SOX7: variants seen among roughly 807,000 people sequenced by gnomAD.
SOX7 encodes transcription factor SOX-7.
A neutral mutation model predicts 24.9 loss-of-function variants in SOX7; 19 were observed. That is an observed-to-expected ratio of 0.76 (90% CI 0.53 to 1.12). The LOEUF (loss-of-function observed/expected upper bound fraction) is 1.12. Among genes scored for constraint, SOX7 ranks in the 50% most tolerant of loss-of-function variants. The pLI is 0.00. For missense variants in SOX7, 702 were observed against 535.0 expected, an observed-to-expected ratio of 1.31 and a Z score of -3.08; for synonymous variants, 327 against 244.5, an observed-to-expected ratio of 1.34 and a Z score of -3.15.
intron 1 of SOX7, among the ~76,000 whole-genome samples, chr8:10,727,872 C>G (rs907612493): frequency 6.6e-6 from 1 of 152,242 alleles, no homozygotes; most frequent in Non-Finnish European, 1.5e-5. Flanking sequence ...TGCACAGGGC[C>G]AGGTGCAGAG....
In SOX7 at chr8:10,730,148, C is replaced by G; in HGVS notation, c.238+48G>C. 7.6e-7 allele frequency: 1 copy of G among 1,324,436 alleles called. No individual in the cohort carries two copies. Among genetic ancestry groups the G allele is most frequent in the Non-Finnish European group, 9.8e-7 (1 of 1,023,536 alleles). The allele number at this position is 1,324,436 out of a possible 1,614,324, so 82.0% of individuals were successfully genotyped here. ...CCGCCCTGCAGTGCCGCCAGCCGCCCGCCGCCCGCCCCCGGCCCCCAGCCC... is the reference window on the plus strand; with the variant it reads ...CCGCCCTGCAGTGCCGCCAGCCGCCGGCCGCCCGCCCCCGGCCCCCAGCCC... On this transcript the variant is annotated intron_variant, in intron 1 of 1. Transcript: ENST00000304501. The surrounding 1 kb of genome is among the most constrained non-coding windows in gnomAD (Gnocchi z 4.8).
Position 10,726,583 on chromosome 8 carries a change from C to T in SOX7, c.322G>A (p.Asp108Asn). The T allele has an allele frequency of 6.2e-7, 1 of 1,610,766 alleles. No individual in the cohort carries two copies. Among genetic ancestry groups the T allele is most frequent in the Non-Finnish European group, 8.5e-7 (1 of 1,179,858 alleles). ...AERLRLQHMQ[D>N]YPNYKYRPRR... ...GGCCGGTACTTGTAGTTGGGGTAGT[C>T]CTGCATGTGCTGCAGGCGCAGCCGC... Residue 108 changes from aspartate to asparagine, a missense_variant, in exon 2 of 2, where the codon GAC becomes AAC. Coordinates refer to ENST00000304501, the MANE Select transcript of SOX7 (RefSeq NM_031439.4).
At position 10,725,383 on chromosome 8, in the gene SOX7, C is replaced by A. The variant is rs1800121479; in HGVS notation, c.*355G>T. On this transcript the variant is annotated 3_prime_UTR_variant, in exon 2 of 2. Coordinates refer to ENST00000304501, the MANE Select transcript of SOX7 (RefSeq NM_031439.4). ...GAGAACCCTAAATCAGAAAACTGGA[C>A]CAGAAGGGACCTTGGCTATCAAGTC... The A allele has an allele frequency of 1.8e-5, 5 of 280,764 alleles. No homozygotes were observed. In the South Asian group the frequency reaches 2.7e-4, roughly 15 times the overall value. 17.4% of individuals were successfully genotyped at this position (280,764 alleles called of 1,614,324 possible).
chr8:10,725,978 G>T lies in SOX7; in HGVS notation c.927C>A (p.His309Gln), dbSNP rs766388511. ...HLGQLSPPPE[H>Q]PGFDALDQLS... ...GTTGATCCAGGGCGTCGAAGCCAGG[G>T]TGCTCAGGAGGCGGGGAAAGCTGGC... is the stretch of plus-strand genomic sequence containing the variant. Residue 309 changes from histidine (H) to glutamine (Q), a missense_variant, in exon 2 of 2, where the codon CAC (histidine) becomes CAA (glutamine). Coordinates refer to ENST00000304501, the MANE Select transcript of SOX7 (RefSeq NM_031439.4). 6 of 1,606,546 alleles carry T rather than the reference G, an allele frequency of 3.7e-6. No homozygotes were observed. In the South Asian group the frequency reaches 6.7e-5, roughly 18 times the overall value.
In SOX7 at chr8:10,726,006, A is replaced by AG; in HGVS notation, c.898dup (p.Leu300ProfsTer9). 6.3e-7 allele frequency: 1 copy of AG among 1,591,050 alleles called. No homozygotes were observed. The highest frequency in any genetic ancestry group is 8.6e-7 in the Non-Finnish European group (1 of 1,167,456). On this transcript the variant is annotated frameshift_variant, in exon 2 of 2. Coordinates refer to ENST00000304501, the MANE Select transcript of SOX7 (RefSeq NM_031439.4). LOFTEE classifies it high-confidence loss of function. ...CTCAGGAGGCGGGGAAAGCTGGCCCAGGTGGGCTTGGAGGTTGGAGTGGAG... is the reference window on the plus strand; with the variant it reads ...CTCAGGAGGCGGGGAAAGCTGGCCCAGGGTGGGCTTGGAGGTTGGAGTGGAG...
At position 10,730,145 on chromosome 8, in the gene SOX7, G is replaced by GGCCCC; in HGVS notation, c.238+50_238+51insGGGGC. ...CACCCGCCCTGCAGTGCCGCCAGCC[G>GGCCCC]CCCGCCGCCCGCCCCCGGCCCCCAG... On this transcript the variant is annotated intron_variant, in intron 1 of 1. Coordinates refer to ENST00000304501, the MANE Select transcript of SOX7 (RefSeq NM_031439.4). This position sits in a 1 kb window ranked among gnomAD's most constrained non-coding sequence, Gnocchi z 4.8. 7.7e-7 allele frequency: 1 copy of GGCCCC among 1,306,000 alleles called. No homozygotes were observed. Among genetic ancestry groups the GGCCCC allele is most frequent in the Non-Finnish European group, 9.9e-7 (1 of 1,010,100 alleles). 80.9% of individuals were successfully genotyped at this position (1,306,000 alleles called of 1,614,324 possible).
Position 10,726,183 on chromosome 8 carries a change from G to A in SOX7, c.722C>T (p.Pro241Leu), listed in dbSNP as rs767362815. The part of the protein sequence containing the change: ...PRRIPHLPGH[P>L]YSPEYAPSPL... ...GCTTGGGGCGTACTCCGGTGAGTAC[G>A]GGTGCCCTGGCAGGTGGGGGATGCG... The change falls in exon 2 of 2, where the codon CCG becomes CTG. Residue 241 changes from proline to leucine, a missense_variant. Physicochemically the swap from Pro to Leu is moderately conservative, Grantham distance 98. Transcript: ENST00000304501. The A allele has an allele frequency of 1.2e-6, 2 of 1,611,630 alleles. No homozygotes were observed. The highest frequency in any genetic ancestry group is 1.7e-5 in the Admixed American group (1 of 59,842).
chr8:10,727,860 T>A (rs965834076), intron 1 of SOX7, among the ~76,000 whole-genome samples: 1 of 152,200 alleles, frequency 6.6e-6, no homozygotes, highest in Non-Finnish European at 1.5e-5. Flanking sequence ...CTCAGCACAT[T>A]CTGCACAGGG....
In SOX7 at chr8:10,730,445, G is replaced by C; in HGVS notation, c.-12C>G. On this transcript the variant is annotated 5_prime_UTR_variant, in exon 1 of 2. Coordinates refer to ENST00000304501, the MANE Select transcript of SOX7 (RefSeq NM_031439.4). This position sits in a 1 kb window ranked among gnomAD's most constrained non-coding sequence, Gnocchi z 4.8. The stretch of plus-strand genomic sequence containing the variant: ...AGCAGCGAAGCCATGGCCGCACGCG[G>C]GTCGCCTCGCTTCGCCTGGCGGGGC... 6.9e-7 allele frequency: 1 copy of C among 1,451,214 alleles called. No homozygotes were observed. Among genetic ancestry groups the C allele is most frequent in the Non-Finnish European group, 9.0e-7 (1 of 1,107,880 alleles). 89.9% of individuals were successfully genotyped at this position (1,451,214 alleles called of 1,614,324 possible).
intron 1 of SOX7, chr8:10,729,168 C>G (rs1233965029): frequency 6.6e-6 from 1 of 152,192 alleles, no homozygotes. Flanking sequence ...GAAAGAGGGG[C>G]GTCAGTCCTA....
Position 10,725,452 on chromosome 8 carries a change from C to T in SOX7, c.*286G>A, listed in dbSNP as rs1711745130. ...GATGATGGCTACCAAGAAAAGACGT[C>T]AGTGAACATTCCACTGGGAGACAGC... On this transcript the variant is annotated 3_prime_UTR_variant, in exon 2 of 2. Coordinates refer to ENST00000304501, the MANE Select transcript of SOX7 (RefSeq NM_031439.4). 2 of 476,248 alleles carry T rather than the reference C, an allele frequency of 4.2e-6. No homozygotes were observed. The highest frequency in any genetic ancestry group is 7.5e-6 in the Non-Finnish European group (2 of 266,966). The allele number at this position is 476,248 out of a possible 1,614,324, so 29.5% of individuals were successfully genotyped here. A position where few individuals can be genotyped will look rare whatever the true frequency, so the allele number is the denominator to read the frequency against.
In SOX7 at chr8:10,724,000, T is replaced by C. The variant is rs1800094952; in HGVS notation, c.*1738A>G. The C allele has an allele frequency of 6.6e-6, 1 of 152,382 alleles. No individual in the cohort carries two copies. The allele number at this position is 152,382 out of a possible 1,614,324, so 9.4% of individuals were successfully genotyped here. A position where few individuals can be genotyped will look rare whatever the true frequency, so the allele number is the denominator to read the frequency against. On this transcript the variant is annotated 3_prime_UTR_variant, in exon 2 of 2. Coordinates refer to ENST00000304501, the MANE Select transcript of SOX7 (RefSeq NM_031439.4). ...TATAAAGTAATAGCATAAAGAGTAATCATACCTTATAAGTGATTTTACAAT... is the reference window on the plus strand; with the variant it reads ...TATAAAGTAATAGCATAAAGAGTAACCATACCTTATAAGTGATTTTACAAT...
chr8:10,724,517 G>A lies in SOX7; in HGVS notation c.*1221C>T, dbSNP rs1800103769. 6.6e-6 allele frequency: 1 copy of A among 152,228 alleles called. No homozygotes were observed. Among genetic ancestry groups the A allele is most frequent in the South Asian group, 2.1e-4 (1 of 4,828 alleles). The allele number at this position is 152,228 out of a possible 1,614,324, so 9.4% of individuals were successfully genotyped here. A position where few individuals can be genotyped will look rare whatever the true frequency, so the allele number is the denominator to read the frequency against. On this transcript the variant is annotated 3_prime_UTR_variant, in exon 2 of 2. Coordinates refer to ENST00000304501, the MANE Select transcript of SOX7 (RefSeq NM_031439.4). ...CTTTTGAATCTACAGAGGGGAAAGT[G>A]TGTATCCAGATTTGAAGACAGTGAC...
In SOX7 at chr8:10,725,643, T is replaced by C. The variant is rs1386432397; in HGVS notation, c.*95A>G. 1.5e-6 allele frequency: 2 copies of C among 1,337,720 alleles called. No homozygotes were observed. The highest frequency in any genetic ancestry group is 1.9e-5 in the Admixed American group (1 of 53,992). The allele number at this position is 1,337,720 out of a possible 1,614,324, so 82.9% of individuals were successfully genotyped here. On this transcript the variant is annotated 3_prime_UTR_variant, in exon 2 of 2. Transcript: ENST00000304501. ...GTTCAGACCTCCCTGCCCTGAGCGG[T>C]GGGAGGAAAGCTGGTGTGGCTGGAC... is the stretch of plus-strand genomic sequence containing the variant.
intron 1 of SOX7, among the ~76,000 whole-genome samples, chr8:10,729,870 G>A (rs926083215): frequency 1.3e-5 from 2 of 152,040 alleles, no homozygotes; most frequent in Non-Finnish European, 2.9e-5. Context: ...CATGCACGCC[G>A]GTCCCTGTCG....
rs534625650 is a variant in SOX7, at chr8:10,730,141, AGCCGCCC to A, written c.238+48_238+54del. 21 of 1,298,728 alleles carry A rather than the reference AGCCGCCC, an allele frequency of 1.6e-5. No individual in the cohort carries two copies. In the East Asian group the frequency reaches 2.6e-4, roughly 16 times the overall value. The allele number at this position is 1,298,728 out of a possible 1,614,324, so 80.5% of individuals were successfully genotyped here. A position where few individuals can be genotyped will look rare whatever the true frequency, so the allele number is the denominator to read the frequency against. On this transcript the variant is annotated intron_variant, in intron 1 of 1. Coordinates refer to ENST00000304501, the MANE Select transcript of SOX7 (RefSeq NM_031439.4). This position sits in a 1 kb window ranked among gnomAD's most constrained non-coding sequence, Gnocchi z 4.8. ...CTCGCACCCGCCCTGCAGTGCCGCC[AGCCGCCC>A]GCCGCCCGCCCCCGGCCCCCAGCCC... is the stretch of plus-strand genomic sequence containing the variant.
At position 10,730,357 on chromosome 8, in the gene SOX7, C is replaced by A. The variant is rs1418489873; in HGVS notation, c.77G>T (p.Gly26Val). 1.3e-6 allele frequency: 2 copies of A among 1,564,802 alleles called. No homozygotes were observed. Among genetic ancestry groups the A allele is most frequent in the Non-Finnish European group, 1.7e-6 (2 of 1,159,728 alleles). ...CPALDAELSD[G>V]QSPPAVPRPP... Reference sequence around the variant, plus strand: ...CCGGGGGACGGCCGGCGGCGATTGTCCATCCGACAGCTCGGCGTCCAGGGC... The same window carrying A: ...CCGGGGGACGGCCGGCGGCGATTGTACATCCGACAGCTCGGCGTCCAGGGC... Residue 26 changes from glycine to valine, a missense_variant, in exon 1 of 2, where the codon GGA becomes GTA. By Grantham distance (109) the Gly-to-Val change is moderately radical. Transcript: ENST00000304501. This position sits in a 1 kb window ranked among gnomAD's most constrained non-coding sequence, Gnocchi z 4.8.
intron 1 of SOX7, chr8:10,729,223 C>T (rs897289038): frequency 6.6e-6 from 1 of 152,150 alleles, no homozygotes; most frequent in Non-Finnish European, 1.5e-5. Flanking sequence ...CTCTGAACTC[C>T]GACGAAAAAA....
chr8:10,725,684 C>A lies in SOX7; in HGVS notation c.*54G>T. 6.3e-7 allele frequency: 1 copy of A among 1,592,856 alleles called. No homozygotes were observed. ...GTGGCTGGACGGCTCCTCTGCCACT[C>A]AAGGCACAAGAAGGAGAGGGCGCGA... On this transcript the variant is annotated 3_prime_UTR_variant, in exon 2 of 2. Transcript: ENST00000304501.
Sources: gnomAD v4.1 joint callset for allele counts (sites outside exome capture counted in the v4.1 genomes callset) on GRCh38, gnomAD v4.1.1 for gene constraint, Gnocchi (gnomAD v3.1) non-coding constraint, MANE v1.5 for transcripts, NCBI Gene and HGNC (gene_info 2026-07-23, HGNC 2026-07-21) for gene names.